Variants in DPYSL2 observed in about 807,000 individuals in gnomAD.
DPYSL2 encodes the protein dihydropyrimidinase-related protein 2.
A neutral mutation model predicts 69.9 loss-of-function variants in DPYSL2; 13 were observed. The ratio of observed to expected loss-of-function variants is 0.19; its 90% CI spans 0.12 to 0.30. The LOEUF (loss-of-function observed/expected upper bound fraction) is 0.30. Among genes scored for constraint, DPYSL2 ranks in the 10% least tolerant of loss-of-function variants. DPYSL2 has a pLI of 1.00. For missense variants in DPYSL2, 587 were observed against 918.9 expected (o/e 0.64, Z 4.67); for synonymous variants, 326 against 359.1 (o/e 0.91, Z 1.04).
At chr8:26,629,968 C>T (rs914334624) in intron 7 of DPYSL2, among the ~76,000 whole-genome samples, 4 of 126,332 alleles carry the variant, frequency 3.2e-5, no homozygotes, top group Admixed American at 1.5e-4. Flanking sequence ...CACACACTCA[C>T]GTTCACACAC....
rs896933525 is a variant in DPYSL2, at chr8:26,621,791, A to C, written c.629-2352A>C. The stretch of plus-strand genomic sequence containing the variant: ...AAAGTGAAGAATGGCCGGGGTGGCC[A>C]TTGTGGGTGAGCAGGTCAGGGATAA... On this transcript the variant is annotated intron_variant, in intron 3 of 13. Transcript: ENST00000521913. The surrounding 1 kb of genome is among the most constrained non-coding windows in gnomAD (Gnocchi z 4.9). 6.6e-6 allele frequency among the ~76,000 whole-genome samples: 1 copy of C among 152,132 alleles called. No homozygotes were observed. Among genetic ancestry groups the C allele is most frequent in the Non-Finnish European group, 1.5e-5 (1 of 68,020 alleles).
chr8:26,651,497 C>A (rs978438805), intron 11 of DPYSL2, among the ~76,000 whole-genome samples: 6 of 152,120 alleles, frequency 3.9e-5, no homozygotes, highest in African/African-American at 1.4e-4. Context: ...CAGGAAGAAG[C>A]GGGAGGCATT....
intron 7 of DPYSL2, among the ~76,000 whole-genome samples, chr8:26,629,893 G>T (rs563651207): frequency 1.3e-5 from 2 of 152,128 alleles, no homozygotes; most frequent in African/African-American, 4.8e-5. Context: ...CACCGCGCCC[G>T]GCCGAGGCTG....
chr8:26,629,003 A>G (rs1050698851), intron 7 of DPYSL2, among the ~76,000 whole-genome samples: 4 of 152,146 alleles, frequency 2.6e-5, no homozygotes, highest in African/African-American at 7.2e-5. Context: ...CCTCGGGTGC[A>G]GGAGGGGGTG....
chr8:26,592,475 T>G (rs111992942), intron 3 of DPYSL2, among the ~76,000 whole-genome samples: 12 of 52,026 alleles, frequency 2.3e-4, no homozygotes, highest in Admixed American at 1.5e-3. Context: ...TTTTTTTTTT[T>G]GTTTTTTTTT....
intron 8 of DPYSL2, among the ~76,000 whole-genome samples, chr8:26,635,423 A>G (rs1802889577): frequency 6.6e-6 from 1 of 152,166 alleles, no homozygotes. Flanking sequence ...CTCTGGTATT[A>G]CTAGGGTGTC....
Position 26,650,133 on chromosome 8 carries a change from C to T in DPYSL2, c.1597-2124C>T, listed in dbSNP as rs971961388. On this transcript the variant is annotated intron_variant, in intron 11 of 13. Transcript: ENST00000521913. This position sits in a 1 kb window ranked among gnomAD's most constrained non-coding sequence, Gnocchi z 5.3. ...TGTGAGCCAAATAGTGAGCTAGATG[C>T]TTTTGTTCATTTTATTTCATTTGAT... is the stretch of plus-strand genomic sequence containing the variant. Among the ~76,000 whole-genome samples, 2 of 152,194 alleles carry T rather than the reference C, an allele frequency of 1.3e-5. No individual in the cohort carries two copies. Among genetic ancestry groups the T allele is most frequent in the African/African-American group, 4.8e-5 (2 of 41,442 alleles).
Position 26,647,903 on chromosome 8 carries a change from G to A in DPYSL2, c.1596+103G>A. The A allele has an allele frequency of 7.3e-7, 1 of 1,369,712 alleles. No individual in the cohort carries two copies. Among genetic ancestry groups the A allele is most frequent in the South Asian group, 1.4e-5 (1 of 69,476 alleles). The allele number at this position is 1,369,712 out of a possible 1,614,324, so 84.8% of individuals were successfully genotyped here. On this transcript the variant is annotated intron_variant, in intron 11 of 13. Transcript: ENST00000521913. This position sits in a 1 kb window ranked among gnomAD's most constrained non-coding sequence, Gnocchi z 5.1. ...GTTTCTAAAAAGAACTTGCTGTGAT[G>A]GGAATGCGCTCGACTGAGGATGTTA... is the stretch of plus-strand genomic sequence containing the variant.
At chr8:26,638,387 T>G (rs925135334) in intron 8 of DPYSL2, among the ~76,000 whole-genome samples, 3 of 152,212 alleles carry the variant, frequency 2.0e-5, no homozygotes, top group Admixed American at 6.5e-5. Flanking sequence ...TAATGTCTCC[T>G]TCTCTTAGTG....
chr8:26,627,385 C>A lies in DPYSL2; in HGVS notation c.936+90C>A. The A allele has an allele frequency of 7.2e-7, 1 of 1,379,510 alleles. No homozygotes were observed. The highest frequency in any genetic ancestry group is 1.0e-6 in the Non-Finnish European group (1 of 975,160). The allele number at this position is 1,379,510 out of a possible 1,614,324, so 85.5% of individuals were successfully genotyped here. A position where few individuals can be genotyped will look rare whatever the true frequency, so the allele number is the denominator to read the frequency against. On this transcript the variant is annotated intron_variant, in intron 6 of 13. Transcript: ENST00000521913. The surrounding 1 kb of genome is among the most constrained non-coding windows in gnomAD (Gnocchi z 6.9). ...GGAAGCTGCATCTGTAGCTTAACAC[C>A]AAGGTGGAAAAGCAGAGGGACCTGG...
rs1469171227 is a variant in DPYSL2 at position 26,571,707 on chromosome 8, C to T, written c.355-10262C>T. ...GTCCTCAGAATCCTAGCAGAGCCCC[C>T]ATGCTGGCCGGCAGTCTGTACAGTT... On this transcript the variant is annotated intron_variant, in intron 1 of 13. Coordinates refer to ENST00000521913, the MANE Select transcript of DPYSL2 (RefSeq NM_001197293.3). The surrounding 1 kb of genome is among the most constrained non-coding windows in gnomAD (Gnocchi z 6.1). Among the ~76,000 whole-genome samples, 1 of 152,298 alleles carries T rather than the reference C, an allele frequency of 6.6e-6. No homozygotes were observed. The highest frequency in any genetic ancestry group is 2.1e-4 in the South Asian group (1 of 4,828).
chr8:26,527,717 A>T (rs1285841660), intron 1 of DPYSL2, among the ~76,000 whole-genome samples: 1 of 152,196 alleles, frequency 6.6e-6, no homozygotes, highest in African/African-American at 2.4e-5. Flanking sequence ...CACTGAAATC[A>T]TAAAGGGAAA....
rs1802659531 is a variant in DPYSL2, at chr8:26,627,985, C to T, written c.1005+45C>T. 1 of 1,591,414 alleles carries T rather than the reference C, an allele frequency of 6.3e-7. No homozygotes were observed. The highest frequency in any genetic ancestry group is 8.6e-7 in the Non-Finnish European group (1 of 1,166,932). On this transcript the variant is annotated intron_variant, in intron 7 of 13. Transcript: ENST00000521913. This position sits in a 1 kb window ranked among gnomAD's most constrained non-coding sequence, Gnocchi z 6.9. ...AATGCGTGAATCAGTGTCCCTTGGG[C>T]ACTGTGCAGAGCCTCAGGGAACCTG...
chr8:26,547,949 T>A, intron 1 of DPYSL2: 1 of 248,062 alleles, frequency 4.0e-6, no homozygotes, highest in Admixed American at 3.9e-5. Context: ...TGGAAACAGA[T>A]AAGCAGGAGG....
Position 26,598,529 on chromosome 8 carries a change from A to G in DPYSL2, c.628+14546A>G, listed in dbSNP as rs1801917300. Among the ~76,000 whole-genome samples, 1 of 152,240 alleles carries G rather than the reference A, an allele frequency of 6.6e-6. No individual in the cohort carries two copies. Among genetic ancestry groups the G allele is most frequent in the South Asian group, 2.1e-4 (1 of 4,834 alleles). ...CTTCATGTTTTAGAATGTTAGTGCC[A>G]GCAGAAAGCACCAGGAGACACCCGA... On this transcript the variant is annotated intron_variant, in intron 3 of 13. Transcript: ENST00000521913. This position sits in a 1 kb window ranked among gnomAD's most constrained non-coding sequence, Gnocchi z 4.2.
In DPYSL2 at chr8:26,586,324, A is replaced by G. The variant is rs1272808958; in HGVS notation, c.628+2341A>G. On this transcript the variant is annotated intron_variant, in intron 3 of 13. Coordinates refer to ENST00000521913, the MANE Select transcript of DPYSL2 (RefSeq NM_001197293.3). This position sits in a 1 kb window ranked among gnomAD's most constrained non-coding sequence, Gnocchi z 4.7. ...CCCTGGAAGTCCTTTCCAGCCCCCT[A>G]CATTTGGCCATTCACTGAAACTCAT... is the stretch of plus-strand genomic sequence containing the variant. Among the ~76,000 whole-genome samples the G allele has an allele frequency of 6.6e-6, 1 of 152,034 alleles. No individual in the cohort carries two copies. The highest frequency in any genetic ancestry group is 1.5e-5 in the Non-Finnish European group (1 of 68,002).
chr8:26,538,548 C>A (rs1800632495), intron 1 of DPYSL2, among the ~76,000 whole-genome samples: 1 of 152,198 alleles, frequency 6.6e-6, no homozygotes, highest in African/African-American at 2.4e-5. Flanking sequence ...TCCCCATGGT[C>A]TTCAGTGATG....
intron 1 of DPYSL2, among the ~76,000 whole-genome samples, chr8:26,537,353 G>A (rs986876260): frequency 1.3e-5 from 2 of 152,176 alleles, no homozygotes; most frequent in Middle Eastern, 3.4e-3. Flanking sequence ...GGAGCTGCAG[G>A]ATGATTCAGC....
In DPYSL2 at chr8:26,517,261, T is replaced by C. The variant is rs915410118; in HGVS notation, c.354+2582T>C. 2.6e-5 allele frequency among the ~76,000 whole-genome samples: 4 copies of C among 152,204 alleles called. No individual in the cohort carries two copies. Among genetic ancestry groups the C allele is most frequent in the Non-Finnish European group, 5.9e-5 (4 of 68,040 alleles). On this transcript the variant is annotated intron_variant, in intron 1 of 13. Transcript: ENST00000521913. The surrounding 1 kb of genome is among the most constrained non-coding windows in gnomAD (Gnocchi z 4.2). ...AGGCTTCCTTGACCCACATGCCACA[T>C]GGCTCATGGAAGATGAGAGATGTTG...
Sources: allele counts gnomAD v4.1 joint callset (sites outside exome capture counted in the v4.1 genomes callset), GRCh38; gene constraint gnomAD v4.1.1; non-coding constraint Gnocchi (gnomAD v3.1); transcripts MANE v1.5; gene names NCBI Gene and HGNC (gene_info 2026-07-23, HGNC 2026-07-21).